SSH2: variants seen among roughly 807,000 people sequenced by gnomAD.
SSH2 encodes the protein protein phosphatase Slingshot homolog 2.
SSH2 carries 37 observed loss-of-function variants against 135.2 expected under a neutral mutation model. The ratio of observed to expected loss-of-function variants is 0.27; its 90% confidence interval spans 0.21 to 0.36. The LOEUF (loss-of-function observed/expected upper bound fraction) is 0.36. Among genes scored for constraint, SSH2 ranks in the 10% least tolerant of loss-of-function variants. The pLI, the probability that SSH2 is intolerant of heterozygous loss-of-function variation, is 1.00. For synonymous variants in SSH2, 628 were observed against 646.2 expected, an observed-to-expected ratio of 0.97 and a Z score of 0.43; for missense variants, 1,408 against 1,765.3, an observed-to-expected ratio of 0.80 and a Z score of 3.63.
intron 2 of SSH2, among the ~76,000 whole-genome samples, chr17:29,799,199 G>A (rs1300524297): frequency 2.0e-5 from 3 of 152,034 alleles, no homozygotes; most frequent in East Asian, 1.9e-4. Context: ...AGACTAGATT[G>A]TTTCTATTTT....
intron 14 of SSH2, 82 bp from the exon 15 acceptor site, chr17:29,636,884 A>G: frequency 1.0e-6 from 1 of 978,948 alleles, no homozygotes; most frequent in Non-Finnish European, 1.5e-6. Flanking sequence ...CTCCCAGATA[A>G]ATCTTAACTT....
At position 29,636,726 on chromosome 17, in the gene SSH2, G is replaced by T; in HGVS notation, c.1504C>A (p.Pro502Thr). 6.2e-7 allele frequency: 1 copy of T among 1,614,090 alleles called. No homozygotes were observed. The highest frequency in any genetic ancestry group is 8.5e-7 in the Non-Finnish European group (1 of 1,180,024). ...TCCTTCTTGTTGAGTTCTAGCCCAGGTTTGCAGATGGGTTCGTGGTGGTCT... is the reference window on the plus strand; with the variant it reads ...TCCTTCTTGTTGAGTTCTAGCCCAGTTTTGCAGATGGGTTCGTGGTGGTCT... Reference protein sequence around the residue: ...LSDHHEPICKPGLELNKKDIT... With the variant: ...LSDHHEPICKTGLELNKKDIT... The change falls in exon 15 of 16, where the codon CCT (proline) becomes ACT (threonine). Residue 502 changes from proline (P) to threonine (T), a missense_variant. Physicochemically the swap from Pro to Thr is conservative, Grantham distance 38. This residue lies in a region of SSH2 where 1,080 missense variants were observed against 1,144.5 expected (regional missense o/e 0.94). Coordinates refer to ENST00000540801, the MANE Select transcript of SSH2 (RefSeq NM_001282129.2).
At chr17:29,674,924 CAAGCTTGCTTTAGAACATCA>C (rs915935663) in intron 8 of SSH2, among the ~76,000 whole-genome samples, 1 of 152,196 alleles carries the variant, frequency 6.6e-6, no homozygotes, top group African/African-American at 2.4e-5. Flanking sequence ...ACGGGTTGGA[CAAGCTTGCTTTAGAACATCA>C]AAGCTTGATT....
chr17:29,787,257 C>T (rs912961188), intron 3 of SSH2, among the ~76,000 whole-genome samples: 24 of 152,332 alleles, frequency 1.6e-4, no homozygotes, highest in Admixed American at 1.1e-3. Context: ...GCTTATTTCA[C>T]TTAGCTTAAT....
At chr17:29,925,260 A>G (rs1443351085) in intron 1 of SSH2, 2 of 353,226 alleles carry the variant, frequency 5.7e-6, no homozygotes. Context: ...CTGGATCAAT[A>G]TAGGTATCAA....
At position 29,848,944 on chromosome 17, in the gene SSH2, A is replaced by C; in HGVS notation, c.64-15T>G. ...AAATGAGAGCTCTGTAATACAAACA[A>C]GATCATTTCAGAGATCCAAACGAAT... is the stretch of plus-strand genomic sequence containing the variant. On this transcript the variant is annotated splice_polypyrimidine_tract_variant and intron_variant, in intron 1 of 15. Transcript: ENST00000540801. The C allele has an allele frequency of 2.0e-6, 3 of 1,512,268 alleles. No individual in the cohort carries two copies. The highest frequency in any genetic ancestry group is 1.7e-4 in the Middle Eastern group (1 of 5,952). The allele number at this position is 1,512,268 out of a possible 1,614,324, so 93.7% of individuals were successfully genotyped here.
chr17:29,862,948 T>C (rs2065789670), intron 1 of SSH2, among the ~76,000 whole-genome samples: 1 of 152,246 alleles, frequency 6.6e-6, no homozygotes, highest in Non-Finnish European at 1.5e-5. Context: ...AGATCCCTTC[T>C]GAACCTTCCT....
chr17:29,682,534 C>G (rs533940027), intron 6 of SSH2, among the ~76,000 whole-genome samples: 2 of 152,028 alleles, frequency 1.3e-5, no homozygotes, highest in East Asian at 3.9e-4. Context: ...GCCTATAATC[C>G]CAGCACTCAG....
intron 3 of SSH2, among the ~76,000 whole-genome samples, chr17:29,785,565 T>A (rs1703328241): frequency 1.4e-5 from 2 of 140,882 alleles, no homozygotes; most frequent in Non-Finnish European, 3.1e-5. Flanking sequence ...AGTGGTACCA[T>A]CTCTGCTCAC....
At chr17:29,750,424 G>T (rs2040894291) in intron 3 of SSH2, among the ~76,000 whole-genome samples, 1 of 143,650 alleles carries the variant, frequency 7.0e-6, no homozygotes, top group South Asian at 2.2e-4. Context: ...GGGCAACTGA[G>T]TGAGACTCTG....
chr17:29,676,790 CTT>C, intron 8 of SSH2, 28 bp downstream of exon 8: 16 of 1,567,750 alleles, frequency 1.0e-5, no homozygotes, highest in Non-Finnish European at 1.4e-5. Flanking sequence ...CATTAAAACA[CTT>C]TTGTAGAGAT....
chr17:29,877,752 G>A (rs1448999317), intron 1 of SSH2, among the ~76,000 whole-genome samples: 1 of 141,620 alleles, frequency 7.1e-6, no homozygotes, highest in African/African-American at 2.6e-5. Context: ...GGGAGGTAGG[G>A]ATGGTTAATG....
chr17:29,929,877 C>T, intron 1 of SSH2, 61 bp downstream of exon 1: 4 of 1,492,014 alleles, frequency 2.7e-6, no homozygotes, highest in Non-Finnish European at 3.6e-6. Flanking sequence ...GCGGGACCCG[C>T]TGAGGCAAAG....
At chr17:29,720,706 C>G (rs1335121665) in intron 3 of SSH2, among the ~76,000 whole-genome samples, 2 of 150,678 alleles carry the variant, frequency 1.3e-5, no homozygotes, top group Non-Finnish European at 2.9e-5. Context: ...CTGACACTTG[C>G]AAAAGCAGTT....
chr17:29,756,215 G>C (rs1342229860), intron 3 of SSH2, among the ~76,000 whole-genome samples: 1 of 150,886 alleles, frequency 6.6e-6, no homozygotes, highest in Non-Finnish European at 1.5e-5. Flanking sequence ...GGAGGTTGCG[G>C]TGAGCCCAGA....
intron 3 of SSH2, among the ~76,000 whole-genome samples, chr17:29,713,172 A>G (rs1420159010): frequency 1.3e-5 from 2 of 152,096 alleles, no homozygotes; most frequent in African/African-American, 2.4e-5. Context: ...CATCTCTACT[A>G]AAAATATAAA....
At chr17:29,845,700 C>T (rs953980379) in intron 2 of SSH2, among the ~76,000 whole-genome samples, 7 of 151,602 alleles carry the variant, frequency 4.6e-5, no homozygotes, top group African/African-American at 1.7e-4. Flanking sequence ...GCTAGGACTA[C>T]AAGTATGTGC....
chr17:29,827,045 A>C (rs1599053122), intron 2 of SSH2, among the ~76,000 whole-genome samples: 1 of 152,200 alleles, frequency 6.6e-6, no homozygotes, highest in African/African-American at 2.4e-5. Context: ...CCATAAATAT[A>C]AACCTATGTA....
intron 3 of SSH2, among the ~76,000 whole-genome samples, chr17:29,729,419 G>A (rs2040106554): frequency 6.6e-6 from 1 of 152,198 alleles, no homozygotes; most frequent in African/African-American, 2.4e-5. Flanking sequence ...GGAGAAAAGG[G>A]AACCCTCATA....
Sources: allele counts gnomAD v4.1 joint callset (sites outside exome capture counted in the v4.1 genomes callset), GRCh38; gene constraint gnomAD v4.1.1; regional missense constraint gnomAD v4.1.1; transcripts MANE v1.5; gene names NCBI Gene and HGNC (gene_info 2026-07-23, HGNC 2026-07-21).